Variants in LSAMP observed in about 807,000 individuals in gnomAD.
LSAMP encodes limbic system-associated membrane protein.
Under a neutral mutation model 38.6 loss-of-function variants are expected in LSAMP, and 7 were observed. The ratio of observed to expected loss-of-function variants is 0.18; its 90% CI spans 0.10 to 0.34. LSAMP has a LOEUF of 0.34. Ranked by LOEUF, LSAMP falls within the 10% of genes least tolerant of loss-of-function variation. LSAMP has a pLI of 1.00. For missense variants in LSAMP, 313 were observed against 420.0 expected, an observed-to-expected ratio of 0.75 and a Z score of 2.23; for synonymous variants, 154 against 166.8, an observed-to-expected ratio of 0.92 and a Z score of 0.59.
At chr3:115,973,683 G>A (rs937522668) in intron 3 of LSAMP, among the ~76,000 whole-genome samples, 3 of 152,028 alleles carry the variant, frequency 2.0e-5, no homozygotes, top group African/African-American at 4.8e-5. Flanking sequence ...GCAGTGAGCC[G>A]AGATGGTGCC....
intron 3 of LSAMP, among the ~76,000 whole-genome samples, chr3:115,915,001 G>A (rs569757029): frequency 6.6e-6 from 1 of 152,274 alleles, no homozygotes; most frequent in South Asian, 2.1e-4. Flanking sequence ...GGTGTGTTAG[G>A]TACTTCTTTT....
At chr3:116,071,955 T>C (rs943909393) in intron 2 of LSAMP, among the ~76,000 whole-genome samples, 1 of 151,916 alleles carries the variant, frequency 6.6e-6, no homozygotes, top group Non-Finnish European at 1.5e-5. Flanking sequence ...CTGCATAGTA[T>C]TCCATGGTGT....
At chr3:115,898,619 A>ATC (rs1274901499) in intron 3 of LSAMP, among the ~76,000 whole-genome samples, 2 of 142,838 alleles carry the variant, frequency 1.4e-5, no homozygotes, top group African/African-American at 5.3e-5. Flanking sequence ...ATATATATAT[A>ATC]TATATGCACC....
At chr3:115,810,766 A>G (rs112878329) in intron 6 of LSAMP, among the ~76,000 whole-genome samples, 43 of 152,124 alleles carry the variant, frequency 2.8e-4, no homozygotes, top group Middle Eastern at 3.4e-3. Flanking sequence ...TGGGGCCAGC[A>G]CTCGTTAAGG....
chr3:116,191,206 G>C (rs1710746915), intron 1 of LSAMP, among the ~76,000 whole-genome samples: 3 of 152,148 alleles, frequency 2.0e-5, no homozygotes, highest in Admixed American at 2.0e-4. Flanking sequence ...CTGGGCAATA[G>C]TGCAAGACTC....
rs185932756 is a variant in LSAMP at position 115,811,392 on chromosome 3, A to G, written c.920-978T>C. Among the ~76,000 whole-genome samples, 27 of 152,332 alleles carry G rather than the reference A, an allele frequency of 1.8e-4. No individual in the cohort carries two copies. The East Asian group carries it at 3.3e-3, about 19-fold the overall frequency. On this transcript the variant is annotated intron_variant, in intron 6 of 6. Transcript: ENST00000490035. ...TGCTTGTTCCATTTTCTCCATTTGT[A>G]TAGTTCTGCTCATATTCCATTAAAG...
rs892673649 is a variant in LSAMP at position 115,809,186 on chromosome 3, A to T, written c.*1131T>A. The T allele has an allele frequency of 6.6e-6, 1 of 152,170 alleles. No individual in the cohort carries two copies. The highest frequency in any genetic ancestry group is 1.5e-5 in the Non-Finnish European group (1 of 68,040). The allele number at this position is 152,170 out of a possible 1,614,324, so 9.4% of individuals were successfully genotyped here. ...AGTAAAATCTGAAATTTTCTCTCCT[A>T]GGTCACCTCGTCCACGTCATAATTC... On this transcript the variant is annotated 3_prime_UTR_variant, in exon 7 of 7. Coordinates refer to ENST00000490035, the MANE Select transcript of LSAMP (RefSeq NM_002338.5).
intron 1 of LSAMP, among the ~76,000 whole-genome samples, chr3:116,227,596 C>A (rs1043914307): frequency 1.1e-4 from 16 of 151,666 alleles, no homozygotes; most frequent in African/African-American, 3.4e-4. Flanking sequence ...AAAATGTCTC[C>A]TTTTCTTACC....
chr3:115,927,167 A>T (rs1295251469), intron 3 of LSAMP, among the ~76,000 whole-genome samples: 1 of 152,148 alleles, frequency 6.6e-6, no homozygotes, highest in Admixed American at 6.5e-5. Flanking sequence ...TTTGGGAGAA[A>T]TCACACATCA....
At chr3:116,121,378 G>A (rs796709593) in intron 1 of LSAMP, among the ~76,000 whole-genome samples, 11 of 151,268 alleles carry the variant, frequency 7.3e-5, no homozygotes, top group East Asian at 5.9e-4. Context: ...AGTTCCTAGC[G>A]GAGTATAGTG....
chr3:116,354,007 G>A (rs1213187444), intron 1 of LSAMP, among the ~76,000 whole-genome samples: 2 of 152,224 alleles, frequency 1.3e-5, no homozygotes, highest in African/African-American at 2.4e-5. Flanking sequence ...AATAGAGTTT[G>A]ACTGAAGACA....
intron 1 of LSAMP, among the ~76,000 whole-genome samples, chr3:116,343,781 C>T (rs1178755202): frequency 6.6e-6 from 1 of 152,074 alleles, no homozygotes; most frequent in African/African-American, 2.4e-5. Context: ...AGGTCACCCA[C>T]CCTGAACTGC....
intron 2 of LSAMP, among the ~76,000 whole-genome samples, chr3:116,022,638 T>C (rs1337498849): frequency 6.6e-6 from 1 of 152,230 alleles, no homozygotes; most frequent in Non-Finnish European, 1.5e-5. Flanking sequence ...CTTCTCAGAT[T>C]CACTCTTAAG....
intron 3 of LSAMP, among the ~76,000 whole-genome samples, chr3:115,975,104 A>G (rs74366953): frequency 0.022 from 3,306 of 152,222 alleles, 74 homozygotes; most frequent in African/African-American, 0.063. Context: ...CCTATTTAGA[A>G]TACTTTGTGT....
chr3:115,835,869 C>T (rs1367995669), intron 6 of LSAMP, among the ~76,000 whole-genome samples: 2 of 152,134 alleles, frequency 1.3e-5, no homozygotes, highest in African/African-American at 4.8e-5. Flanking sequence ...GTTAGTTACA[C>T]AAGTGTCAAG....
chr3:116,060,076 C>T (rs1941565538), intron 2 of LSAMP, among the ~76,000 whole-genome samples: 1 of 152,142 alleles, frequency 6.6e-6, no homozygotes, highest in Non-Finnish European at 1.5e-5. Context: ...TTTGGGATTT[C>T]CTTTTCCTTT....
chr3:116,154,942 A>T (rs575567466), intron 1 of LSAMP, among the ~76,000 whole-genome samples: 1 of 152,210 alleles, frequency 6.6e-6, no homozygotes, highest in African/African-American at 2.4e-5. Flanking sequence ...ACATATTTGG[A>T]GTATATTGTA....
intron 3 of LSAMP, among the ~76,000 whole-genome samples, chr3:115,955,458 C>T (rs1355235151): frequency 6.6e-6 from 1 of 152,114 alleles, no homozygotes; most frequent in Admixed American, 6.5e-5. Flanking sequence ...CATTCCTTTC[C>T]AAATATTTAT....
At chr3:116,371,298 A>G (rs975589892) in intron 1 of LSAMP, among the ~76,000 whole-genome samples, 1 of 152,212 alleles carries the variant, frequency 6.6e-6, no homozygotes, top group Admixed American at 6.6e-5. Context: ...AATATCCTTA[A>G]CAAAATACTG....
Sources: gnomAD v4.1 joint callset for allele counts (sites outside exome capture counted in the v4.1 genomes callset) on GRCh38, gnomAD v4.1.1 for gene constraint, MANE v1.5 for transcripts, NCBI Gene and HGNC (gene_info 2026-07-23, HGNC 2026-07-21) for gene names.